The following SETD2 variants were observed in gnomAD, a reference collection of about 807,000 sequenced individuals.
SETD2 encodes the protein SET domain containing 2, histone lysine methyltransferase, also known as histone-lysine N-methyltransferase SETD2.
A neutral mutation model predicts 242.1 loss-of-function variants in SETD2; 31 were observed. The ratio of observed to expected loss-of-function variants is 0.13; its 90% confidence interval spans 0.10 to 0.17. The LOEUF (loss-of-function observed/expected upper bound fraction) is 0.17, where lower values mean the gene tolerates loss of function less well. Among genes scored for constraint, SETD2 ranks in the 10% least tolerant of loss-of-function variants. The probability of loss-of-function intolerance (pLI) is 1.00; values close to 1 mark genes in which losing one functional copy is unlikely to be tolerated. For synonymous variants in SETD2, 1,006 were observed against 1,066.5 expected (o/e 0.94, Z 1.11); for missense variants, 2,481 against 3,046.3 (o/e 0.81, Z 4.37).
At chr3:47,139,901 CTT>C (rs376789707) in intron 1 of SETD2, among the ~76,000 whole-genome samples, 150 of 152,268 alleles carry the variant, frequency 9.9e-4, no homozygotes, top group African/African-American at 3.4e-3. Context: ...CTCCTTCTCA[CTT>C]GTTTAAGTCC....
In SETD2 at chr3:47,122,787, G is replaced by A. The variant is rs372521251; in HGVS notation, c.1849C>T (p.Pro617Ser). The A allele has an allele frequency of 8.3e-5, 134 of 1,612,344 alleles. 1 individual carries two copies. In the South Asian group the frequency reaches 1.3e-3, roughly 15 times the overall value. The stretch of plus-strand genomic sequence containing the variant: ...GGTGAATCATTTAATCGATTTGATG[G>A]AGCTGGAGACCCAGCCTTTTCTCTT... ...PEREKAGSPA[P>S]SNRLNDSPTL... The change falls in exon 3 of 21, where the codon CCA becomes TCA. Residue 617 changes from proline to serine, a missense_variant. Coordinates refer to ENST00000409792, the MANE Select transcript of SETD2 (RefSeq NM_014159.7).
chr3:47,089,644 A>T (rs1270473977), intron 9 of SETD2, among the ~76,000 whole-genome samples: 3 of 152,220 alleles, frequency 2.0e-5, no homozygotes, highest in Non-Finnish European at 2.9e-5. Context: ...GCCCTGCATT[A>T]TGGCAGTTAC....
chr3:47,046,026 T>C (rs1408946871), intron 16 of SETD2, among the ~76,000 whole-genome samples: 1 of 151,896 alleles, frequency 6.6e-6, no homozygotes, highest in Non-Finnish European at 1.5e-5. Context: ...TCAGGTGAAT[T>C]TGGTGGCTAC....
At chr3:47,049,384 T>TA (rs1216353557) in intron 15 of SETD2, among the ~76,000 whole-genome samples, 1 of 140,204 alleles carries the variant, frequency 7.1e-6, no homozygotes, top group Non-Finnish European at 1.6e-5. Flanking sequence ...CTTTTTTTTT[T>TA]TTTTTTGAGA....
rs2107484575 is a variant in SETD2 at position 47,017,123 on chromosome 3, G to A, written c.7665C>T (p.Tyr2555=). The A allele has an allele frequency of 6.2e-7, 1 of 1,614,146 alleles. No homozygotes were observed. The highest frequency in any genetic ancestry group is 1.1e-5 in the South Asian group (1 of 91,086). Residue 2555 remains tyrosine, a synonymous_variant, in exon 21 of 21, where the codon TAC becomes TAT. Transcript: ENST00000409792. This position sits in a 1 kb window ranked among gnomAD's most constrained non-coding sequence, Gnocchi z 4.8. ...KKYMQKFGAV[Y]KPKEDTELE ...CTAATTCAGTGTCCTCTTTGGGTTTGTAAACAGCCCCAAACTTCTGCATGT... is the reference window on the plus strand; with the variant it reads ...CTAATTCAGTGTCCTCTTTGGGTTTATAAACAGCCCCAAACTTCTGCATGT...
chr3:47,127,479 A>G (rs1357897754), intron 1 of SETD2: 2 of 383,092 alleles, frequency 5.2e-6, no homozygotes, highest in African/African-American at 4.2e-5. Context: ...TGTAATCCCA[A>G]CACTTTAAGA....
In SETD2 at chr3:47,056,673, A is replaced by G. The variant is rs188297001; in HGVS notation, c.6963+148T>C. 15 of 655,968 alleles carry G rather than the reference A, an allele frequency of 2.3e-5. No homozygotes were observed. The Admixed American group carries it at 2.9e-4, about 13-fold the overall frequency. The allele number at this position is 655,968 out of a possible 1,614,324, so 40.6% of individuals were successfully genotyped here. On this transcript the variant is annotated intron_variant, in intron 15 of 20. Transcript: ENST00000409792. Reference sequence around the variant, plus strand: ...TGTCTTAAGCTGACAAGTTCTGGCAATATTTCACACAATAGATAACCAATA... The same window carrying G: ...TGTCTTAAGCTGACAAGTTCTGGCAGTATTTCACACAATAGATAACCAATA...
At chr3:47,043,766 T>C (rs1239164263) in intron 16 of SETD2, among the ~76,000 whole-genome samples, 4 of 152,192 alleles carry the variant, frequency 2.6e-5, no homozygotes, top group Non-Finnish European at 4.4e-5. Context: ...TGGGGTTTTC[T>C]GGCCCAGCTT....
Position 47,121,643 on chromosome 3 carries a change from A to T in SETD2, c.2993T>A (p.Val998Asp), listed in dbSNP as rs769399537. ...GHVHTSDDSE[V>D]VFSSCDLNLT... Reference sequence around the variant, plus strand: ...ATTCAAATCACAAGAAGAAAATACAACTTCTGAGTCATCAGAAGTATGCAC... The same window carrying T: ...ATTCAAATCACAAGAAGAAAATACATCTTCTGAGTCATCAGAAGTATGCAC... The change falls in exon 3 of 21, where the codon GTT becomes GAT. Residue 998 changes from valine (V) to aspartate (D), a missense_variant. Val to Asp is a radical substitution (Grantham distance 152, BLOSUM62 -3). Transcript: ENST00000409792. 6.2e-7 allele frequency: 1 copy of T among 1,613,904 alleles called. No homozygotes were observed. Among genetic ancestry groups the T allele is most frequent in the South Asian group, 1.1e-5 (1 of 91,082 alleles).
intron 1 of SETD2, among the ~76,000 whole-genome samples, chr3:47,129,252 A>T (rs1409841369): frequency 2.6e-5 from 4 of 152,226 alleles, no homozygotes; most frequent in African/African-American, 9.6e-5. Flanking sequence ...AAAGAATATA[A>T]GCACAATCAG....
At position 47,046,583 on chromosome 3, in the gene SETD2, T is replaced by C. The variant is rs777640124; in HGVS notation, c.7002A>G (p.Gln2334=). ...AQPSLQYIQG[Q]QIFTAHPQGV... ...CTTGTGGATGAGCTGTGAAAATCTG[T>C]TGCCCCTGGATATACTGAAGACTTG... Residue 2334 remains glutamine (Q), a synonymous_variant, in exon 16 of 21, where the codon CAA becomes CAG. Transcript: ENST00000409792. The C allele has an allele frequency of 2.2e-5, 36 of 1,613,632 alleles. No individual in the cohort carries two copies. The highest frequency in any genetic ancestry group is 2.5e-5 in the Non-Finnish European group (30 of 1,179,668).
chr3:47,082,986 C>G (rs968857529), intron 12 of SETD2, among the ~76,000 whole-genome samples: 2 of 152,154 alleles, frequency 1.3e-5, no homozygotes, highest in Non-Finnish European at 2.9e-5. Context: ...CCACAGGGTC[C>G]TCAAGACGTG....
At chr3:47,033,652 A>ATTTTTTTTTTT (rs34978514) in intron 18 of SETD2, among the ~76,000 whole-genome samples, 1 of 90,856 alleles carries the variant, frequency 1.1e-5, no homozygotes, top group Non-Finnish European at 1.9e-5. Flanking sequence ...TCATGGTTTG[A>ATTTTTTTTTTT]TTTTTTTTTT....
intron 1 of SETD2, among the ~76,000 whole-genome samples, chr3:47,134,651 A>G (rs191457868): frequency 1.3e-5 from 2 of 151,628 alleles, no homozygotes; most frequent in Admixed American, 1.3e-4. Flanking sequence ...TTTTTTTGAG[A>G]CAGAGTCTCA....
chr3:47,021,567 C>A (rs1441779688), intron 18 of SETD2, among the ~76,000 whole-genome samples: 1 of 152,140 alleles, frequency 6.6e-6, no homozygotes, highest in Non-Finnish European at 1.5e-5. Context: ...CTCCTGAGTG[C>A]TGAGCAATTG....
intron 1 of SETD2, among the ~76,000 whole-genome samples, chr3:47,152,694 C>T (rs1393111284): frequency 6.6e-6 from 1 of 152,140 alleles, no homozygotes; most frequent in African/African-American, 2.4e-5. Context: ...CGATAATAGT[C>T]CTCCCCAAAG....
At chr3:47,156,474 G>C (rs1443157095) in intron 1 of SETD2, among the ~76,000 whole-genome samples, 1 of 152,108 alleles carries the variant, frequency 6.6e-6, no homozygotes, top group African/African-American at 2.4e-5. Flanking sequence ...CTTTTCTAAA[G>C]ACATAATGTG....
In SETD2 at chr3:47,120,280, A is replaced by G; in HGVS notation, c.4356T>C (p.Asp1452=). The change falls in exon 3 of 21, where the codon GAT becomes GAC. Residue 1452 remains aspartate (D), a synonymous_variant. Transcript: ENST00000409792. The stretch of plus-strand genomic sequence containing the variant: ...TCCATCGCTGTGGGTCCCTGAAGTC[A>G]TCCATGACACAGGAGGGCCCAACCA... ...SALVGPSCVM[D]DFRDPQRWKE... 1 of 1,613,516 alleles carries G rather than the reference A, an allele frequency of 6.2e-7. No homozygotes were observed. The highest frequency in any genetic ancestry group is 8.5e-7 in the Non-Finnish European group (1 of 1,179,788).
At chr3:47,067,774 C>G (rs1365874939) in intron 12 of SETD2, among the ~76,000 whole-genome samples, 1 of 152,070 alleles carries the variant, frequency 6.6e-6, no homozygotes, top group Admixed American at 6.5e-5. Flanking sequence ...TTAATAACTA[C>G]CCAGTTATAT....
Sources: gnomAD v4.1 joint callset for allele counts (sites outside exome capture counted in the v4.1 genomes callset) on GRCh38, gnomAD v4.1.1 for gene constraint, Gnocchi (gnomAD v3.1) non-coding constraint, MANE v1.5 for transcripts, NCBI Gene and HGNC (gene_info 2026-07-23, HGNC 2026-07-21) for gene names.